Variants in C12orf42 observed in about 807,000 individuals in gnomAD.
C12orf42 encodes the protein chromosome 12 open reading frame 42.
C12orf42 carries 25 observed loss-of-function variants against 21.6 expected under a neutral mutation model. The ratio of observed to expected loss-of-function variants is 1.16; its 90% CI spans 0.84 to 1.62. C12orf42 has a LOEUF of 1.62. Ranked by LOEUF, C12orf42 falls within the 40% of genes most tolerant of loss-of-function variation. C12orf42 has a pLI of 0.00. For synonymous variants in C12orf42, 174 were observed against 175.0 expected, an observed-to-expected ratio of 0.99 and a Z score of 0.05; for missense variants, 483 against 459.3, an observed-to-expected ratio of 1.05 and a Z score of -0.47.
chr12:103,393,599 T>C (rs2047259130), intron 3 of C12orf42, among the ~76,000 whole-genome samples: 1 of 152,190 alleles, frequency 6.6e-6, no homozygotes, highest in Non-Finnish European at 1.5e-5. Flanking sequence ...TTTTTCTCTA[T>C]AGTATCACTA....
At chr12:103,111,905 A>G in the C12orf42 span, among the ~76,000 whole-genome samples, 1 of 152,252 alleles carries the variant, frequency 6.6e-6, no homozygotes, top group South Asian at 2.1e-4. Flanking sequence ...TTGTAGAGTC[A>G]GAAAATCTAC....
At chr12:103,107,161 C>T in the C12orf42 span, among the ~76,000 whole-genome samples, 1,606 of 152,042 alleles carry the variant, frequency 0.011, 9 homozygotes, top group South Asian at 0.02. Flanking sequence ...TTAACAAACA[C>T]GGTTTGCAGT....
intron 2 of C12orf42, among the ~76,000 whole-genome samples, chr12:103,403,397 A>G (rs1019252288): frequency 6.6e-6 from 1 of 151,770 alleles, no homozygotes; most frequent in Non-Finnish European, 1.5e-5. Context: ...AAAAAGAAAA[A>G]GGATGCAGGG....
chr12:103,199,256 C>T, the C12orf42 span, among the ~76,000 whole-genome samples: 1 of 152,126 alleles, frequency 6.6e-6, no homozygotes, highest in Admixed American at 6.5e-5. Flanking sequence ...TGGATATCCA[C>T]ATTCAAAGGA....
At chr12:103,113,151 G>C in the C12orf42 span, among the ~76,000 whole-genome samples, 376 of 152,080 alleles carry the variant, frequency 2.5e-3, 11 homozygotes, top group East Asian at 0.06. Flanking sequence ...AATTTGTTCA[G>C]TGCTTTTTAT....
chr12:103,299,928 A>C (rs1369465415), downstream of C12orf42, among the ~76,000 whole-genome samples: 4 of 152,192 alleles, frequency 2.6e-5, no homozygotes, highest in East Asian at 7.7e-4. Context: ...ATTTTCTCCC[A>C]AACATGTGCA....
chr12:103,294,428 G>GAGAAAGAAAGAA (rs58968326), intron 4 of C12orf42, among the ~76,000 whole-genome samples: 6,349 of 95,874 alleles, frequency 0.066, 275 homozygotes, highest in Non-Finnish European at 0.069. Context: ...AAAGGAGAGA[G>GAGAAAGAAAGAA]AGAAAGAAAG....
chr12:103,244,552 G>GAA (rs764898439), intron 10 of C12orf42, among the ~76,000 whole-genome samples: 4 of 101,262 alleles, frequency 4.0e-5, no homozygotes, highest in African/African-American at 3.7e-5. Context: ...AGCATTCTTT[G>GAA]AAAAAAAAAA....
intron 4 of C12orf42, among the ~76,000 whole-genome samples, chr12:103,333,410 C>T (rs1159823596): frequency 6.6e-6 from 1 of 152,138 alleles, no homozygotes; most frequent in Non-Finnish European, 1.5e-5. Flanking sequence ...TTGTCAGAAA[C>T]TAGAATTTTA....
the C12orf42 span, among the ~76,000 whole-genome samples, chr12:103,135,894 G>A: frequency 6.6e-6 from 1 of 152,134 alleles, no homozygotes; most frequent in Non-Finnish European, 1.5e-5. Flanking sequence ...ACTAGACATT[G>A]GTGGAACATA....
Position 103,282,030 on chromosome 12 carries a change from G to A in C12orf42, n.338-4820C>T, listed in dbSNP as rs75284956. Among the ~76,000 whole-genome samples the A allele has an allele frequency of 0.012, 1,782 of 152,166 alleles. 103 individuals are homozygous for A. In the East Asian group the frequency reaches 0.19, roughly 17 times the overall value. On this transcript the variant is annotated intron_variant and non_coding_transcript_variant, in intron 4 of 6. Transcript: ENST00000546526. ...ATTTAGCCATGCCTCAATTATCTCC[G>A]TATTCTCGAGTTATATGAACCAATA...
the C12orf42 span, among the ~76,000 whole-genome samples, chr12:103,060,490 G>A: frequency 1.3e-5 from 2 of 152,084 alleles, no homozygotes; most frequent in South Asian, 4.1e-4. Context: ...AATTTCATAT[G>A]GAACTAAAAA....
the C12orf42 span, among the ~76,000 whole-genome samples, chr12:103,225,205 C>T: frequency 1.1e-4 from 16 of 152,052 alleles, no homozygotes; most frequent in African/African-American, 3.6e-4. Flanking sequence ...TTATTGAGGA[C>T]AAAAGAGTGT....
chr12:103,192,217 G>C, the C12orf42 span, among the ~76,000 whole-genome samples: 1 of 152,060 alleles, frequency 6.6e-6, no homozygotes, highest in Admixed American at 6.6e-5. Flanking sequence ...ACCAACTTTA[G>C]ATTTAAGAAT....
chr12:103,480,770 T>C (rs1347673796), intron 1 of C12orf42, among the ~76,000 whole-genome samples: 1 of 151,702 alleles, frequency 6.6e-6, no homozygotes, highest in Non-Finnish European at 1.5e-5. Flanking sequence ...ATTTGTTTGA[T>C]ATCAATTCTC....
intron 10 of C12orf42, among the ~76,000 whole-genome samples, chr12:103,242,937 A>G (rs1461617458): frequency 6.6e-6 from 1 of 152,138 alleles, no homozygotes; most frequent in Non-Finnish European, 1.5e-5. Flanking sequence ...GTAATATTGA[A>G]ATCATAATCT....
At chr12:103,098,826 G>T in the C12orf42 span, among the ~76,000 whole-genome samples, 1 of 152,212 alleles carries the variant, frequency 6.6e-6, no homozygotes, top group Non-Finnish European at 1.5e-5. Flanking sequence ...TGCCTACAGG[G>T]ACTGCAAAAC....
chr12:103,326,522 G>A (rs920161389), intron 4 of C12orf42, among the ~76,000 whole-genome samples: 12 of 152,086 alleles, frequency 7.9e-5, no homozygotes, highest in South Asian at 2.1e-4. Context: ...CCTTCCTACC[G>A]CTCTACTTAC....
the C12orf42 span, among the ~76,000 whole-genome samples, chr12:103,137,052 G>A: frequency 6.6e-6 from 1 of 152,110 alleles, no homozygotes. Flanking sequence ...AAAAGCTGCT[G>A]CACAGCAAAG....
Sources: gnomAD v4.1 joint callset for allele counts (sites outside exome capture counted in the v4.1 genomes callset) on GRCh38, gnomAD v4.1.1 for gene constraint, MANE v1.5 for transcripts, NCBI Gene and HGNC (gene_info 2026-07-23, HGNC 2026-07-21) for gene names.